The following TMEM132B variants were observed in gnomAD, a reference collection of about 807,000 sequenced individuals.
TMEM132B encodes transmembrane protein 132B.
Under a neutral mutation model 90.8 loss-of-function variants are expected in TMEM132B, and 18 were observed. The ratio of observed to expected loss-of-function variants is 0.20; its 90% CI spans 0.14 to 0.29. The LOEUF (loss-of-function observed/expected upper bound fraction) is 0.29. TMEM132B is among the 10% of genes least tolerant of loss of function. TMEM132B has a pLI of 1.00. For synonymous variants in TMEM132B, 504 were observed against 523.3 expected (o/e 0.96, Z 0.50); for missense variants, 1,096 against 1,326.8 (o/e 0.83, Z 2.70).
intron 4 of TMEM132B, among the ~76,000 whole-genome samples, chr12:125,573,397 C>T (rs773043673): frequency 6.6e-6 from 1 of 152,158 alleles, no homozygotes; most frequent in African/African-American, 2.4e-5. Flanking sequence ...AATCCTGGCT[C>T]TCATTACCCA....
At position 125,583,831 on chromosome 12, in the gene TMEM132B, C is replaced by T. The variant is rs1392166175; in HGVS notation, c.1294-20C>T. On this transcript the variant is annotated intron_variant, in intron 4 of 8. Transcript: ENST00000682704. ...TGGTATGCACGTTTGCTGATCTGAG[C>T]CCTCTCCTCTCCTGTTTAGGACACC... 7 of 1,613,002 alleles carry T rather than the reference C, an allele frequency of 4.3e-6. No individual in the cohort carries two copies. The highest frequency in any genetic ancestry group is 5.1e-6 in the Non-Finnish European group (6 of 1,179,622).
chr12:125,465,112 A>G (rs1881530316), intron 3 of TMEM132B, among the ~76,000 whole-genome samples: 1 of 152,180 alleles, frequency 6.6e-6, no homozygotes, highest in Admixed American at 6.5e-5. Context: ...AAATCCTCAA[A>G]TGTTAATCCC....
chr12:125,477,929 T>C (rs1378897053), intron 3 of TMEM132B, among the ~76,000 whole-genome samples: 1 of 151,272 alleles, frequency 6.6e-6, no homozygotes, highest in Non-Finnish European at 1.5e-5. Context: ...TGTTCTGCAA[T>C]ATTTGCTGTT....
At chr12:125,566,482 A>G (rs1177554123) in intron 4 of TMEM132B, among the ~76,000 whole-genome samples, 1 of 152,214 alleles carries the variant, frequency 6.6e-6, no homozygotes, top group Non-Finnish European at 1.5e-5. Flanking sequence ...CAACATTTCG[A>G]GCATTTGCTG....
chr12:125,483,235 A>G (rs1882102333), intron 3 of TMEM132B, among the ~76,000 whole-genome samples: 1 of 152,188 alleles, frequency 6.6e-6, no homozygotes, highest in Non-Finnish European at 1.5e-5. Context: ...CCTAGAACTT[A>G]AAGTGTAATA....
chr12:125,205,897 G>A (rs182648075), intron 1 of TMEM132B, among the ~76,000 whole-genome samples: 11 of 152,336 alleles, frequency 7.2e-5, no homozygotes, highest in African/African-American at 1.9e-4. Context: ...TCAAGCCATC[G>A]CAAATTATTT....
intron 3 of TMEM132B, among the ~76,000 whole-genome samples, chr12:125,489,421 A>G (rs996591009): frequency 2.0e-5 from 3 of 151,868 alleles, no homozygotes; most frequent in Non-Finnish European, 4.4e-5. Context: ...TTACTTATTT[A>G]TTTAGAGATG....
At chr12:125,521,591 G>C (rs948618891) in intron 4 of TMEM132B, among the ~76,000 whole-genome samples, 1 of 152,196 alleles carries the variant, frequency 6.6e-6, no homozygotes, top group Non-Finnish European at 1.5e-5. Context: ...AGTAAGAGTG[G>C]GAATCTGCTA....
intron 2 of TMEM132B, among the ~76,000 whole-genome samples, chr12:125,369,449 T>G (rs1394323692): frequency 6.6e-6 from 1 of 152,228 alleles, no homozygotes; most frequent in African/African-American, 2.4e-5. Flanking sequence ...GGCAGTTTGA[T>G]AATAATAACT....
chr12:125,291,077 G>C (rs1875525504), intron 1 of TMEM132B, among the ~76,000 whole-genome samples: 1 of 152,150 alleles, frequency 6.6e-6, no homozygotes, highest in Non-Finnish European at 1.5e-5. Flanking sequence ...ACTGGAAAGT[G>C]GGGACCTTAG....
At chr12:125,607,474 T>C (rs1266563850) in intron 5 of TMEM132B, among the ~76,000 whole-genome samples, 2 of 152,216 alleles carry the variant, frequency 1.3e-5, no homozygotes, top group Non-Finnish European at 2.9e-5. Flanking sequence ...CTGTGGTTGG[T>C]TGAGACACAG....
At chr12:125,294,478 G>A (rs1875618736) in intron 1 of TMEM132B, among the ~76,000 whole-genome samples, 1 of 152,202 alleles carries the variant, frequency 6.6e-6, no homozygotes, top group African/African-American at 2.4e-5. Flanking sequence ...ATTTATAATG[G>A]TAGAAAATTT....
intron 1 of TMEM132B, among the ~76,000 whole-genome samples, chr12:125,282,991 G>A (rs932172591): frequency 6.6e-6 from 1 of 152,166 alleles, no homozygotes; most frequent in African/African-American, 2.4e-5. Flanking sequence ...CTTGGTGCAG[G>A]AGAAAGCGGG....
chr12:125,619,890 G>T (rs10744221), intron 5 of TMEM132B, among the ~76,000 whole-genome samples: 81,483 of 152,008 alleles, frequency 0.54, 23,692 homozygotes, highest in African/African-American at 0.77. Context: ...ATAAATCTGT[G>T]TTGAAACAAG....
intron 3 of TMEM132B, among the ~76,000 whole-genome samples, chr12:125,416,903 G>C (rs1880030352): frequency 6.6e-6 from 1 of 152,178 alleles, no homozygotes; most frequent in African/African-American, 2.4e-5. Flanking sequence ...ATTCTGAGTT[G>C]TTAGTTTCTA....
intron 2 of TMEM132B, among the ~76,000 whole-genome samples, chr12:125,397,142 T>G (rs1189999748): frequency 6.6e-6 from 1 of 152,032 alleles, no homozygotes; most frequent in East Asian, 1.9e-4. Flanking sequence ...CGGCTAATTT[T>G]TTTGTATTTT....
At chr12:125,219,629 G>A (rs1873515833) in intron 1 of TMEM132B, among the ~76,000 whole-genome samples, 1 of 152,190 alleles carries the variant, frequency 6.6e-6, no homozygotes, top group Non-Finnish European at 1.5e-5. Flanking sequence ...GCTCTGGGCT[G>A]CCCATCTCCT....
In TMEM132B at chr12:125,407,967, A is replaced by T. The variant is rs1169725244; in HGVS notation, c.960-7564A>T. Among the ~76,000 whole-genome samples, 2 of 152,234 alleles carry T rather than the reference A, an allele frequency of 1.3e-5. No individual in the cohort carries two copies. Among genetic ancestry groups the T allele is most frequent in the Non-Finnish European group, 2.9e-5 (2 of 68,048 alleles). ...GATGAGTTCTCACAACCACCAAGTAATCGGCATGCAGAAGGAGAGACAGAG... is the reference window on the plus strand; with the variant it reads ...GATGAGTTCTCACAACCACCAAGTATTCGGCATGCAGAAGGAGAGACAGAG... On this transcript the variant is annotated intron_variant, in intron 2 of 8. Coordinates refer to ENST00000682704, the MANE Select transcript of TMEM132B (RefSeq NM_001366854.1). The surrounding 1 kb of genome is among the most constrained non-coding windows in gnomAD (Gnocchi z 6.7).
intron 3 of TMEM132B, among the ~76,000 whole-genome samples, chr12:125,515,536 C>G (rs575006417): frequency 6.6e-6 from 1 of 151,832 alleles, no homozygotes; most frequent in Non-Finnish European, 1.5e-5. Flanking sequence ...CACATTCTCA[C>G]GCTCACACAC....
Sources: gnomAD v4.1 joint callset for allele counts (sites outside exome capture counted in the v4.1 genomes callset) on GRCh38, gnomAD v4.1.1 for gene constraint, Gnocchi (gnomAD v3.1) non-coding constraint, MANE v1.5 for transcripts, NCBI Gene and HGNC (gene_info 2026-07-23, HGNC 2026-07-21) for gene names.